The following KANSL1L variants were observed in gnomAD, a reference collection of about 807,000 sequenced individuals.
The protein encoded by KANSL1L is KAT8 regulatory NSL complex subunit 1-like protein.
Under a neutral mutation model 108.6 loss-of-function variants are expected in KANSL1L, and 25 were observed. That is an observed-to-expected ratio of 0.23 (90% CI 0.17 to 0.32). The LOEUF (loss-of-function observed/expected upper bound fraction) is 0.32, where lower values mean the gene tolerates loss of function less well. Ranked by LOEUF, KANSL1L falls within the 10% of genes least tolerant of loss-of-function variation. The pLI is 1.00. For missense variants in KANSL1L, 1,137 were observed against 1,125.7 expected, an observed-to-expected ratio of 1.01 and a Z score of -0.14; for synonymous variants, 405 against 395.1, an observed-to-expected ratio of 1.03 and a Z score of -0.30.
At chr2:210,109,523 A>G (rs767056310) in intron 3 of KANSL1L, among the ~76,000 whole-genome samples, 17 of 152,208 alleles carry the variant, frequency 1.1e-4, no homozygotes, top group Non-Finnish European at 2.2e-4. Flanking sequence ...AGATTGCATA[A>G]GAACTCATTT....
intron 3 of KANSL1L, among the ~76,000 whole-genome samples, chr2:210,127,347 GA>G (rs1208832671): frequency 1.3e-5 from 2 of 152,014 alleles, no homozygotes; most frequent in Non-Finnish European, 2.9e-5. Flanking sequence ...ACTCTAAGAA[GA>G]AATATAGGGT....
intron 4 of KANSL1L, among the ~76,000 whole-genome samples, chr2:210,102,230 G>A (rs2094800771): frequency 1.3e-5 from 2 of 152,236 alleles, no homozygotes; most frequent in Non-Finnish European, 2.9e-5. Context: ...CTCCAGCTTT[G>A]TTCTTTTGGC....
chr2:210,023,642 C>T (rs1030577063), intron 14 of KANSL1L, among the ~76,000 whole-genome samples: 3 of 152,118 alleles, frequency 2.0e-5, no homozygotes, highest in Non-Finnish European at 4.4e-5. Flanking sequence ...TTTATGGATG[C>T]AGTGTTAGAA....
intron 6 of KANSL1L, among the ~76,000 whole-genome samples, chr2:210,068,655 A>G (rs2094484821): frequency 6.6e-6 from 1 of 152,132 alleles, no homozygotes; most frequent in Non-Finnish European, 1.5e-5. Flanking sequence ...CTATCAGTGC[A>G]TTTCCTGCCT....
Position 210,088,427 on chromosome 2 carries a change from T to G in KANSL1L, c.1550+9659A>C, listed in dbSNP as rs544533713. 32 of 152,388 alleles carry G rather than the reference T, an allele frequency of 2.1e-4. 1 individual carries two copies. Among genetic ancestry groups the G allele is most frequent in the African/African-American group, 7.2e-4 (30 of 41,590 alleles). The allele number at this position is 152,388 out of a possible 1,614,324, so 9.4% of individuals were successfully genotyped here. A position where few individuals can be genotyped will look rare whatever the true frequency, so the allele number is the denominator to read the frequency against. ...GAAAGACATGCATAAAAGGAAATAC[T>G]CACCCAATGAATCCAAGATTGAAAA... is the stretch of plus-strand genomic sequence containing the variant. On this transcript the variant is annotated intron_variant, in intron 5 of 14. Coordinates refer to ENST00000281772, the MANE Select transcript of KANSL1L (RefSeq NM_152519.4).
At chr2:210,161,639 C>T (rs1344657616) in intron 1 of KANSL1L, among the ~76,000 whole-genome samples, 1 of 152,004 alleles carries the variant, frequency 6.6e-6, no homozygotes, top group Non-Finnish European at 1.5e-5. Flanking sequence ...CTGTTGGGAA[C>T]CTCTGACATA....
chr2:210,114,676 T>A (rs1197722385), intron 3 of KANSL1L, among the ~76,000 whole-genome samples: 3 of 152,102 alleles, frequency 2.0e-5, no homozygotes, highest in Admixed American at 6.5e-5. Context: ...TAACTTTGGT[T>A]TGCAGCTCCA....
chr2:210,127,965 C>T (rs2095084544), intron 3 of KANSL1L, among the ~76,000 whole-genome samples: 1 of 151,910 alleles, frequency 6.6e-6, no homozygotes, highest in South Asian at 2.1e-4. Context: ...TGAATAAGTA[C>T]TTCTCCAAAG....
chr2:210,038,423 T>C (rs2125170492), intron 8 of KANSL1L, among the ~76,000 whole-genome samples: 1 of 152,130 alleles, frequency 6.6e-6, no homozygotes, highest in South Asian at 2.1e-4. Flanking sequence ...TCCAAGATAT[T>C]TGAGGGTGCT....
chr2:210,140,770 A>G (rs1388993458), intron 2 of KANSL1L, among the ~76,000 whole-genome samples: 1 of 152,126 alleles, frequency 6.6e-6, no homozygotes, highest in Non-Finnish European at 1.5e-5. Flanking sequence ...AACTCTTCCA[A>G]TCCGTGAACA....
chr2:210,125,614 A>G (rs1389500473), intron 3 of KANSL1L, among the ~76,000 whole-genome samples: 1 of 152,230 alleles, frequency 6.6e-6, no homozygotes, highest in Non-Finnish European at 1.5e-5. Context: ...CAGGTTTACA[A>G]TCCATGACTG....
At chr2:210,156,117 A>G (rs2095331706) in intron 1 of KANSL1L, among the ~76,000 whole-genome samples, 1 of 152,194 alleles carries the variant, frequency 6.6e-6, no homozygotes, top group South Asian at 2.1e-4. Context: ...TGAGCAAAAG[A>G]TAGAGCAGTC....
intron 5 of KANSL1L, among the ~76,000 whole-genome samples, chr2:210,085,504 T>A (rs2094628685): frequency 6.6e-6 from 1 of 152,140 alleles, no homozygotes; most frequent in Non-Finnish European, 1.5e-5. Flanking sequence ...AATTGAGACA[T>A]AAAGTTTGTC....
At position 210,028,946 on chromosome 2, in the gene KANSL1L, T is replaced by G; in HGVS notation, c.2295A>C (p.Arg765Ser). ...TATCTATGTCATAAGAGCTCTCACT[T>G]CTCAATCTCCGTCGTGCAGTATTCT... ...SSRNTARRRL[R>S]SESSYDIDNI... The change falls in exon 11 of 15, where the codon AGA becomes AGC. Residue 765 changes from arginine (R) to serine (S), a missense_variant. Physicochemically the swap from Arg to Ser is moderately radical, Grantham distance 110. Transcript: ENST00000281772. The G allele has an allele frequency of 6.2e-7, 1 of 1,611,296 alleles. No homozygotes were observed. Among genetic ancestry groups the G allele is most frequent in the Non-Finnish European group, 8.5e-7 (1 of 1,178,200 alleles).
At chr2:210,098,312 T>C in intron 4 of KANSL1L, 105 bp from the exon 5 acceptor site, 1 of 1,007,240 alleles carries the variant, frequency 9.9e-7, no homozygotes, top group Non-Finnish European at 1.5e-6. Flanking sequence ...ACACACATGT[T>C]TTTATTTTAG....
chr2:210,164,613 T>C (rs1278609458), intron 1 of KANSL1L, among the ~76,000 whole-genome samples: 4 of 152,098 alleles, frequency 2.6e-5, no homozygotes, highest in Non-Finnish European at 5.9e-5. Context: ...GATGCAGAAC[T>C]TCGAAGAACC....
Position 210,153,955 on chromosome 2 carries a change from T to C in KANSL1L, c.628A>G (p.Ser210Gly), listed in dbSNP as rs2095319033. ...TCCTCTTTTTCAGCAGCTGAAGAAC[T>C]AACAGGCACATTTGAGTGGCCAGGT... ...IVPGHSNVPV[S>G]SSAAEKEEEV... The change falls in exon 2 of 15, where the codon AGT becomes GGT. Residue 210 changes from serine (S) to glycine (G), a missense_variant. Physicochemically the swap from Ser to Gly is moderately conservative, Grantham distance 56. This residue lies in a region of KANSL1L where 556 missense variants were observed against 537.7 expected (regional missense o/e 1.03). Coordinates refer to ENST00000281772, the MANE Select transcript of KANSL1L (RefSeq NM_152519.4). The C allele has an allele frequency of 6.2e-7, 1 of 1,613,598 alleles. No homozygotes were observed. Among genetic ancestry groups the C allele is most frequent in the Non-Finnish European group, 8.5e-7 (1 of 1,179,990 alleles).
intron 1 of KANSL1L, among the ~76,000 whole-genome samples, chr2:210,164,078 T>C (rs1464816422): frequency 1.3e-5 from 2 of 152,164 alleles, no homozygotes; most frequent in East Asian, 3.8e-4. Context: ...TTAAACTTGC[T>C]ACTACTAGAC....
At chr2:210,087,836 G>C (rs895131661) in intron 5 of KANSL1L, among the ~76,000 whole-genome samples, 1 of 152,156 alleles carries the variant, frequency 6.6e-6, no homozygotes, top group African/African-American at 2.4e-5. Context: ...TTGCCGTGCA[G>C]GATCAATACT....
Sources: allele counts gnomAD v4.1 joint callset (sites outside exome capture counted in the v4.1 genomes callset), GRCh38; gene constraint gnomAD v4.1.1; regional missense constraint gnomAD v4.1.1; transcripts MANE v1.5; gene names NCBI Gene and HGNC (gene_info 2026-07-23, HGNC 2026-07-21).